The following EXOC4 variants were observed in gnomAD, a reference collection of about 807,000 sequenced individuals.
EXOC4 encodes the protein SEC8-like 1.
Under a neutral mutation model 107.2 loss-of-function variants are expected in EXOC4, and 71 were observed. That is an observed-to-expected ratio of 0.66 (90% CI 0.55 to 0.81). The LOEUF (loss-of-function observed/expected upper bound fraction) is 0.81. Among genes scored for constraint, EXOC4 ranks in the 30% least tolerant of loss-of-function variants. EXOC4 has a pLI of 0.00. For missense variants in EXOC4, 1,108 were observed against 1,189.6 expected (o/e 0.93, Z 1.01); for synonymous variants, 456 against 441.2 (o/e 1.03, Z -0.42).
intron 9 of EXOC4, among the ~76,000 whole-genome samples, chr7:133,617,266 G>A (rs1802215416): frequency 6.6e-6 from 1 of 152,120 alleles, no homozygotes; most frequent in South Asian, 2.1e-4. Context: ...GTATATCTGA[G>A]TAGAATCCAA....
chr7:134,087,295 T>C, the EXOC4 span, among the ~76,000 whole-genome samples: 1 of 152,308 alleles, frequency 6.6e-6, no homozygotes, highest in East Asian at 1.9e-4. Flanking sequence ...GGTGATGATG[T>C]TCCTGCCTAA....
the EXOC4 span, among the ~76,000 whole-genome samples, chr7:134,098,403 C>T: frequency 1.3e-5 from 2 of 152,130 alleles, no homozygotes; most frequent in East Asian, 1.9e-4. Flanking sequence ...GTCATGATAG[C>T]TTTATTAAAT....
chr7:134,088,680 G>A, the EXOC4 span, among the ~76,000 whole-genome samples: 1 of 152,118 alleles, frequency 6.6e-6, no homozygotes, highest in Non-Finnish European at 1.5e-5. Context: ...ACACCTGTTG[G>A]AGTTCTACAG....
At chr7:133,324,988 C>G (rs1320481243) in intron 5 of EXOC4, among the ~76,000 whole-genome samples, 4 of 152,122 alleles carry the variant, frequency 2.6e-5, no homozygotes, top group Admixed American at 6.5e-5. Context: ...CTCTTTTGAT[C>G]TTTGTTGGTT....
intron 17 of EXOC4, among the ~76,000 whole-genome samples, 175 bp from the exon 18 acceptor site, chr7:134,064,116 G>T (rs1260563909): frequency 6.6e-6 from 1 of 152,158 alleles, no homozygotes; most frequent in Non-Finnish European, 1.5e-5. Flanking sequence ...AGCTCCAAAG[G>T]ACAGAGCTTA....
intron 11 of EXOC4, among the ~76,000 whole-genome samples, chr7:133,875,722 T>G (rs1196755750): frequency 6.6e-6 from 1 of 152,164 alleles, no homozygotes; most frequent in East Asian, 1.9e-4. Context: ...ACACACTACC[T>G]TCACAGCTTC....
rs749306837 is a variant in EXOC4, at chr7:133,467,322, C to CA, written c.1183-8005dup. On this transcript the variant is annotated intron_variant, in intron 7 of 17. Coordinates refer to ENST00000253861, the MANE Select transcript of EXOC4 (RefSeq NM_021807.4). Reference sequence around the variant, plus strand: ...TGTCCTAATTGTATAATCTTATTGCCACTGCTTTAGTTTAAAACCTTTTAA... The same window carrying CA: ...TGTCCTAATTGTATAATCTTATTGCCAACTGCTTTAGTTTAAAACCTTTTAA... 4.6e-4 allele frequency among the ~76,000 whole-genome samples: 70 copies of CA among 151,332 alleles called. 3 individuals carry two copies. The highest frequency in any genetic ancestry group is 3.4e-3 in the Middle Eastern group (1 of 290).
At chr7:133,454,221 C>T (rs74425324) in intron 7 of EXOC4, among the ~76,000 whole-genome samples, 71 of 152,248 alleles carry the variant, frequency 4.7e-4, no homozygotes, top group Admixed American at 8.5e-4. Flanking sequence ...TCTGAAAGGA[C>T]ATCTTTTTCA....
intron 7 of EXOC4, among the ~76,000 whole-genome samples, chr7:133,472,505 G>A (rs1035334569): frequency 3.9e-5 from 6 of 152,164 alleles, no homozygotes; most frequent in Admixed American, 3.9e-4. Context: ...AGGAATTAAT[G>A]TTTTTATGGG....
intron 7 of EXOC4, among the ~76,000 whole-genome samples, chr7:133,472,820 G>A (rs193111825): frequency 5.3e-4 from 80 of 152,252 alleles, no homozygotes; most frequent in Non-Finnish European, 1.0e-4. Context: ...ACAATGCTGA[G>A]AGGTAACAAT....
At chr7:133,497,800 A>G (rs537351165) in intron 9 of EXOC4, among the ~76,000 whole-genome samples, 5 of 152,216 alleles carry the variant, frequency 3.3e-5, no homozygotes, top group African/African-American at 7.2e-5. Flanking sequence ...GGATATCACT[A>G]TACTAATGAG....
intron 10 of EXOC4, among the ~76,000 whole-genome samples, chr7:133,705,127 G>T (rs970023485): frequency 6.6e-5 from 10 of 152,164 alleles, no homozygotes; most frequent in South Asian, 4.1e-4. Context: ...ACTTTGGGAG[G>T]CTGAGGCCAG....
chr7:133,908,953 C>T (rs2116593402), intron 12 of EXOC4, among the ~76,000 whole-genome samples: 1 of 152,262 alleles, frequency 6.6e-6, no homozygotes. Flanking sequence ...CTGTCATCTA[C>T]ATTAGGTATT....
chr7:133,335,136 G>GGGAT (rs891673011), intron 5 of EXOC4, among the ~76,000 whole-genome samples: 3 of 152,120 alleles, frequency 2.0e-5, no homozygotes. Flanking sequence ...TTCTAGAAGA[G>GGGAT]GGATAGCTCA....
rs146672350 is a variant in EXOC4 at position 133,374,963 on chromosome 7, T to C, written c.1143T>C (p.Asp381=). Residue 381 remains aspartate (D), a synonymous_variant, in exon 7 of 18, where the codon GAT becomes GAC. Coordinates refer to ENST00000253861, the MANE Select transcript of EXOC4 (RefSeq NM_021807.4). ...LTQQEDIKLY[D]MADVWVKIQD... ...AGCAGGAAGATATCAAACTGTATGA[T>C]ATGGCAGATGTATGGGTGAAGATCC... is the stretch of plus-strand genomic sequence containing the variant. The C allele has an allele frequency of 2.4e-4, 394 of 1,614,038 alleles. 1 individual carries two copies. In the African/African-American group the frequency reaches 4.6e-3, roughly 19 times the overall value.
At chr7:133,543,188 C>T (rs188322087) in intron 9 of EXOC4, among the ~76,000 whole-genome samples, 3 of 150,922 alleles carry the variant, frequency 2.0e-5, no homozygotes, top group African/African-American at 7.4e-5. Context: ...TGATATAATC[C>T]TCACAAAATA....
chr7:133,407,562 C>T (rs1293435449), intron 7 of EXOC4, among the ~76,000 whole-genome samples: 2 of 151,996 alleles, frequency 1.3e-5, no homozygotes, highest in East Asian at 3.9e-4. Context: ...CAGCCATATT[C>T]AAATATGTAA....
At chr7:133,757,168 T>C (rs1405015490) in intron 10 of EXOC4, among the ~76,000 whole-genome samples, 1 of 152,146 alleles carries the variant, frequency 6.6e-6, no homozygotes, top group African/African-American at 2.4e-5. Context: ...AGGGCCCTCT[T>C]CTTACATGGG....
At chr7:133,495,013 T>G (rs1799445098) in intron 9 of EXOC4, among the ~76,000 whole-genome samples, 1 of 152,182 alleles carries the variant, frequency 6.6e-6, no homozygotes, top group Admixed American at 6.5e-5. Flanking sequence ...GGCTCACGCC[T>G]GTAATCCCAG....
Sources: allele counts gnomAD v4.1 joint callset (sites outside exome capture counted in the v4.1 genomes callset), GRCh38; gene constraint gnomAD v4.1.1; transcripts MANE v1.5; gene names NCBI Gene and HGNC (gene_info 2026-07-23, HGNC 2026-07-21).